The following GDAP2 variants were observed in gnomAD, a reference collection of about 807,000 sequenced individuals.
GDAP2 encodes the protein ganglioside-induced differentiation-associated protein 2.
Under a neutral mutation model 67.0 loss-of-function variants are expected in GDAP2, and 51 were observed. The ratio of observed to expected loss-of-function variants is 0.76; its 90% CI spans 0.61 to 0.96. The LOEUF (loss-of-function observed/expected upper bound fraction) is 0.96. Among genes scored for constraint, GDAP2 ranks in the 40% least tolerant of loss-of-function variants. The pLI is 0.00. For missense variants in GDAP2, 547 were observed against 588.3 expected (o/e 0.93, Z 0.73); for synonymous variants, 203 against 207.3 (o/e 0.98, Z 0.18).
intron 12 of GDAP2, among the ~76,000 whole-genome samples, chr1:117,878,773 A>C (rs1648553898): frequency 1.3e-5 from 2 of 152,216 alleles, no homozygotes; most frequent in South Asian, 4.1e-4. Context: ...AAGGATAAAA[A>C]ATTCTTGATA....
chr1:117,912,185 C>T (rs1255892402), intron 4 of GDAP2, 103 bp from the exon 5 acceptor site: 3 of 718,784 alleles, frequency 4.2e-6, no homozygotes, highest in Admixed American at 2.2e-5. Flanking sequence ...CTCCTTTCCT[C>T]CCTCTTCAAC....
intron 11 of GDAP2, 92 bp downstream of exon 11, chr1:117,883,396 C>G (rs886700387): frequency 3.4e-6 from 3 of 895,292 alleles, no homozygotes; most frequent in African/African-American, 3.3e-5. Context: ...CATGAAATAT[C>G]CTTTCACAGA....
At chr1:117,875,374 GTGT>G (rs1418381590) in intron 13 of GDAP2, among the ~76,000 whole-genome samples, 1 of 152,220 alleles carries the variant, frequency 6.6e-6, no homozygotes, top group Non-Finnish European at 1.5e-5. Context: ...CTTCCATGTG[GTGT>G]TAAGTCTGCA....
chr1:117,899,908 T>C (rs1649388972), intron 6 of GDAP2, among the ~76,000 whole-genome samples: 1 of 152,142 alleles, frequency 6.6e-6, no homozygotes, highest in Admixed American at 6.5e-5. Context: ...TGAAATAAAA[T>C]AGTAACAAAA....
rs1160384503 is a variant in GDAP2 at position 117,865,822 on chromosome 1, A to G, written c.*4747T>C. 1 of 152,192 alleles carries G rather than the reference A, an allele frequency of 6.6e-6. No homozygotes were observed. The highest frequency in any genetic ancestry group is 1.5e-5 in the Non-Finnish European group (1 of 68,030). 9.4% of individuals were successfully genotyped at this position (152,192 alleles called of 1,614,324 possible). ...GTAAAAAATAACTAATATACAAGAG[A>G]GTCACTAATATCTAAAATGATCTTG... On this transcript the variant is annotated 3_prime_UTR_variant, in exon 14 of 14. Coordinates refer to ENST00000369443, the MANE Select transcript of GDAP2 (RefSeq NM_017686.4).
At chr1:117,907,973 T>G (rs926886478) in intron 5 of GDAP2, among the ~76,000 whole-genome samples, 1 of 152,110 alleles carries the variant, frequency 6.6e-6, no homozygotes, top group Non-Finnish European at 1.5e-5. Context: ...TTTCAATTAT[T>G]CCTCCCACAT....
chr1:117,865,002 G>C lies in GDAP2; in HGVS notation c.*5567C>G, dbSNP rs1648012321. On this transcript the variant is annotated 3_prime_UTR_variant, in exon 14 of 14. Coordinates refer to ENST00000369443, the MANE Select transcript of GDAP2 (RefSeq NM_017686.4). ...CTCTTTTACTCTAACTATGGTCTGG[G>C]GACCAGGAGAATTGATAACACCTAA... 6.6e-6 allele frequency: 1 copy of C among 152,120 alleles called. No homozygotes were observed. Among genetic ancestry groups the C allele is most frequent in the African/African-American group, 2.4e-5 (1 of 41,420 alleles). 9.4% of individuals were successfully genotyped at this position (152,120 alleles called of 1,614,324 possible). A position where few individuals can be genotyped will look rare whatever the true frequency, so the allele number is the denominator to read the frequency against.
At chr1:117,916,580 G>T (rs954646726) in intron 3 of GDAP2, among the ~76,000 whole-genome samples, 1 of 152,198 alleles carries the variant, frequency 6.6e-6, no homozygotes, top group African/African-American at 2.4e-5. Flanking sequence ...GAGAGGATAT[G>T]GCTGTAGTCT....
intron 5 of GDAP2, among the ~76,000 whole-genome samples, chr1:117,911,726 T>C (rs528064111): frequency 1.6e-3 from 234 of 150,956 alleles, no homozygotes; most frequent in African/African-American, 5.4e-3. Flanking sequence ...AATCAATGAA[T>C]ATTCTTTGGC....
intron 6 of GDAP2, among the ~76,000 whole-genome samples, chr1:117,899,533 T>G (rs1008371719): frequency 5.3e-5 from 8 of 152,206 alleles, no homozygotes; most frequent in Non-Finnish European, 2.9e-5. Context: ...CTCTCAAGAC[T>G]TGGCTCAGAT....
At chr1:117,919,751 C>T (rs1263748954) in intron 2 of GDAP2, among the ~76,000 whole-genome samples, 1 of 152,106 alleles carries the variant, frequency 6.6e-6, no homozygotes, top group African/African-American at 2.4e-5. Context: ...CTGATACACA[C>T]AACACAGATG....
chr1:117,885,377 C>A (rs946494191), intron 10 of GDAP2, among the ~76,000 whole-genome samples: 2 of 152,080 alleles, frequency 1.3e-5, no homozygotes, highest in Non-Finnish European at 2.9e-5. Context: ...ACCATGAAAT[C>A]CCTTTCCTTG....
At chr1:117,926,164 G>A (rs1468078732) in intron 1 of GDAP2, among the ~76,000 whole-genome samples, 2 of 151,916 alleles carry the variant, frequency 1.3e-5, no homozygotes, top group Non-Finnish European at 2.9e-5. Flanking sequence ...CTTCCTCTTC[G>A]TACATTTGCC....
chr1:117,887,550 G>C, intron 9 of GDAP2, 148 bp downstream of exon 9: 2 of 643,050 alleles, frequency 3.1e-6, no homozygotes, highest in Non-Finnish European at 5.7e-6. Flanking sequence ...TTAAGATCTT[G>C]ATGACAGGCA....
intron 3 of GDAP2, among the ~76,000 whole-genome samples, chr1:117,917,454 T>C (rs569375132): frequency 1.1e-3 from 173 of 152,364 alleles, no homozygotes; most frequent in Non-Finnish European, 2.1e-3. Flanking sequence ...GCTTAGCACC[T>C]AATGTCCATT....
intron 6 of GDAP2, among the ~76,000 whole-genome samples, chr1:117,901,362 A>G (rs1051836504): frequency 1.8e-4 from 27 of 152,148 alleles, no homozygotes; most frequent in African/African-American, 6.0e-4. Context: ...TATGTTTTCA[A>G]TTCTCTTCTG....
At chr1:117,899,033 A>G in intron 7 of GDAP2, 24 bp downstream of exon 7, 1 of 1,600,778 alleles carries the variant, frequency 6.2e-7, no homozygotes. Context: ...GGGAGATTTA[A>G]AAAGTTAGAG....
intron 3 of GDAP2, among the ~76,000 whole-genome samples, chr1:117,916,503 A>T (rs902280439): frequency 3.9e-5 from 6 of 152,228 alleles, no homozygotes; most frequent in Non-Finnish European, 8.8e-5. Context: ...AGGGGTTTAC[A>T]CTTACTGGTT....
intron 1 of GDAP2, among the ~76,000 whole-genome samples, chr1:117,922,011 G>T (rs1650268898): frequency 6.6e-6 from 1 of 152,048 alleles, no homozygotes; most frequent in Non-Finnish European, 1.5e-5. Flanking sequence ...GGAAAAACTG[G>T]AGTAGGTTGT....
Sources: gnomAD v4.1 joint callset for allele counts (sites outside exome capture counted in the v4.1 genomes callset) on GRCh38, gnomAD v4.1.1 for gene constraint, MANE v1.5 for transcripts, NCBI Gene and HGNC (gene_info 2026-07-23, HGNC 2026-07-21) for gene names.